The following CAST variants were observed in gnomAD, a reference collection of about 807,000 sequenced individuals.
CAST encodes the protein MIR583 host.
Under a neutral mutation model 119.6 loss-of-function variants are expected in CAST, and 76 were observed. That is an observed-to-expected ratio of 0.64 (90% CI 0.53 to 0.77). The LOEUF is 0.77. CAST is among the 30% of genes least tolerant of loss of function. The probability of loss-of-function intolerance (pLI) is 0.00; values close to 1 mark genes in which losing one functional copy is unlikely to be tolerated. For missense variants in CAST, 953 were observed against 946.5 expected (o/e 1.01, Z -0.09); for synonymous variants, 319 against 331.6 (o/e 0.96, Z 0.41).
In CAST at chr5:96,774,578, C is replaced by G. The variant is rs2150854201; in HGVS notation, c.*1962C>G. 9 of 985,466 alleles carry G rather than the reference C, an allele frequency of 9.1e-6. No homozygotes were observed. The highest frequency in any genetic ancestry group is 4.7e-5 in the South Asian group (1 of 21,286). The allele number at this position is 985,466 out of a possible 1,614,324, so 61.0% of individuals were successfully genotyped here. On this transcript the variant is annotated 3_prime_UTR_variant, in exon 32 of 32. Coordinates refer to ENST00000675179, the MANE Select transcript of CAST (RefSeq NM_001750.7). ...TTTAGAAAATGGGCTTTTCCAAAAG[C>G]AAACAAAGATAGGTTCCTCAGGTGA...
the CAST span, among the ~76,000 whole-genome samples, chr5:96,213,998 T>C: frequency 2.0e-5 from 3 of 152,200 alleles, no homozygotes; most frequent in Admixed American, 6.5e-5. Context: ...TGTTGTCTTA[T>C]ATATAATTAA....
At chr5:96,061,608 C>G in the CAST span, among the ~76,000 whole-genome samples, 1 of 151,574 alleles carries the variant, frequency 6.6e-6, no homozygotes, top group Admixed American at 6.6e-5. Flanking sequence ...TAATATCCTC[C>G]CAGTATGTAG....
At chr5:96,364,816 T>C in the CAST span, among the ~76,000 whole-genome samples, 12 of 152,236 alleles carry the variant, frequency 7.9e-5, no homozygotes, top group African/African-American at 2.9e-4. Context: ...TTTGTGTCTC[T>C]GTCTCCATCA....
chr5:96,555,893 G>A (rs183852971), intron 1 of CAST, among the ~76,000 whole-genome samples: 17 of 152,316 alleles, frequency 1.1e-4, no homozygotes, highest in Admixed American at 2.0e-4. Flanking sequence ...CTCCCAGCAC[G>A]CAGCTGGAGA....
At chr5:96,028,095 T>C in the CAST span, among the ~76,000 whole-genome samples, 1 of 152,136 alleles carries the variant, frequency 6.6e-6, no homozygotes, top group African/African-American at 2.4e-5. Context: ...TTATTCCAAA[T>C]TCTTTCAAAT....
the CAST span, among the ~76,000 whole-genome samples, chr5:96,409,396 G>T: frequency 6.6e-6 from 1 of 152,208 alleles, no homozygotes; most frequent in Non-Finnish European, 1.5e-5. Context: ...AAGCAAGGTT[G>T]CCCTTTTTAC....
At chr5:96,663,416 G>T (rs940681133) in intron 1 of CAST, among the ~76,000 whole-genome samples, 5 of 152,224 alleles carry the variant, frequency 3.3e-5, no homozygotes, top group Admixed American at 3.3e-4. Context: ...TCGCCCCGAT[G>T]TCAAGCACTA....
chr5:96,759,339 GAA>G (rs1767152373), intron 24 of CAST, among the ~76,000 whole-genome samples: 1 of 152,026 alleles, frequency 6.6e-6, no homozygotes, highest in South Asian at 2.1e-4. Flanking sequence ...TATATAAAAA[GAA>G]ACACTTAAAA....
At chr5:96,266,041 C>T in the CAST span, among the ~76,000 whole-genome samples, 1 of 152,086 alleles carries the variant, frequency 6.6e-6, no homozygotes, top group Non-Finnish European at 1.5e-5. Flanking sequence ...CTTCTGGTTC[C>T]ACAATGGCTT....
At position 96,631,900 on chromosome 5, in the gene CAST, T is replaced by C. The variant is rs1447611878; in HGVS notation, c.61-43639T>C. The stretch of plus-strand genomic sequence containing the variant: ...CCGGGTCATATGGTAATTCTATGTT[T>C]AACTTTTTGAGGAACAGCCAAGCTG... On this transcript the variant is annotated intron_variant, in intron 1 of 11. Coordinates refer to the CAST transcript ENST00000505143. 3.3e-5 allele frequency among the ~76,000 whole-genome samples: 5 copies of C among 152,152 alleles called. No homozygotes were observed. The South Asian group carries it at 1.0e-3, about 32-fold the overall frequency.
At chr5:96,695,509 A>G (rs930563797) in intron 2 of CAST, among the ~76,000 whole-genome samples, 12 of 152,320 alleles carry the variant, frequency 7.9e-5, no homozygotes, top group Admixed American at 1.3e-4. Flanking sequence ...CTGCATAGAC[A>G]TTGTAACATT....
At chr5:96,528,240 C>T (rs1411854038), upstream of CAST, among the ~76,000 whole-genome samples, 1 of 152,134 alleles carries the variant, frequency 6.6e-6, no homozygotes, top group Non-Finnish European at 1.5e-5. Context: ...CATTCAGCCT[C>T]ATTCATAATA....
At chr5:96,479,244 A>G in the CAST span, among the ~76,000 whole-genome samples, 107,151 of 152,006 alleles carry the variant, frequency 0.7, 38,298 homozygotes, top group African/African-American at 0.81. Flanking sequence ...ACAAGAACTC[A>G]TATCACTGGT....
chr5:96,200,465 C>T, the CAST span, among the ~76,000 whole-genome samples: 1 of 152,092 alleles, frequency 6.6e-6, no homozygotes, highest in Non-Finnish European at 1.5e-5. Context: ...CTATATCTGC[C>T]AACCGGAAAG....
At chr5:96,305,942 T>C in the CAST span, among the ~76,000 whole-genome samples, 5 of 152,234 alleles carry the variant, frequency 3.3e-5, no homozygotes, top group Non-Finnish European at 5.9e-5. Flanking sequence ...TGCCAGGTTT[T>C]GGTATCAGGA....
intron 1 of CAST, among the ~76,000 whole-genome samples, chr5:96,633,400 T>A (rs1157018736): frequency 6.6e-6 from 1 of 152,258 alleles, no homozygotes; most frequent in Admixed American, 6.5e-5. Flanking sequence ...TGTTTTGTAG[T>A]TTTCAGTGTA....
chr5:96,503,746 A>G, the CAST span, among the ~76,000 whole-genome samples: 1 of 152,084 alleles, frequency 6.6e-6, no homozygotes, highest in Non-Finnish European at 1.5e-5. Context: ...CAGCAGCCCA[A>G]ATGACAGGGC....
chr5:96,733,393 GC>G (rs1760977556), intron 9 of CAST, among the ~76,000 whole-genome samples: 1 of 152,134 alleles, frequency 6.6e-6, no homozygotes, highest in South Asian at 2.1e-4. Context: ...AGAGGATTAG[GC>G]CCGCTAAAAT....
At chr5:96,393,396 A>G in the CAST span, 5 of 1,613,192 alleles carry the variant, frequency 3.1e-6, no homozygotes, top group South Asian at 3.3e-5. Context: ...ATAGAATGCC[A>G]TCCACAAAGG....
Sources: gnomAD v4.1 joint callset for allele counts (sites outside exome capture counted in the v4.1 genomes callset) on GRCh38, gnomAD v4.1.1 for gene constraint, MANE v1.5 for transcripts, NCBI Gene and HGNC (gene_info 2026-07-23, HGNC 2026-07-21) for gene names.